SLIT3: variants seen among roughly 807,000 people sequenced by gnomAD.
SLIT3 encodes the protein slit homolog 3 protein.
In SLIT3, 68 loss-of-function variants were observed where a neutral mutation model predicts 184.0. The observed-to-expected ratio is 0.37, with a 90% CI of 0.30 to 0.45. The LOEUF (loss-of-function observed/expected upper bound fraction) is 0.45. Among genes scored for constraint, SLIT3 ranks in the 20% least tolerant of loss-of-function variants. The pLI is 1.00. For synonymous variants in SLIT3, 831 were observed against 828.6 expected (o/e 1.00, Z -0.05); for missense variants, 1,707 against 2,026.0 (o/e 0.84, Z 3.02).
chr5:168,989,914 T>A (rs1025391116), intron 4 of SLIT3, among the ~76,000 whole-genome samples: 2 of 152,196 alleles, frequency 1.3e-5, no homozygotes, highest in Non-Finnish European at 2.9e-5. Context: ...CTAACAGTTC[T>A]GTGAATAAAT....
At chr5:169,023,615 T>TC (rs1756691111) in intron 4 of SLIT3, 3 of 152,108 alleles carry the variant, frequency 2.0e-5, no homozygotes, top group East Asian at 3.9e-4. Flanking sequence ...CTTTTTTTTT[T>TC]CCCACCACAG....
chr5:169,138,775 A>G (rs868757167), intron 4 of SLIT3, among the ~76,000 whole-genome samples: 3 of 152,354 alleles, frequency 2.0e-5, no homozygotes, highest in Middle Eastern at 3.4e-3. Context: ...TGGCATATCC[A>G]GCAACACATT....
intron 3 of SLIT3, among the ~76,000 whole-genome samples, chr5:169,229,952 G>A (rs771026809): frequency 2.0e-5 from 3 of 152,052 alleles, no homozygotes; most frequent in Non-Finnish European, 4.4e-5. Flanking sequence ...ACCTGTGCCC[G>A]CAAATGACCC....
At chr5:168,819,245 G>A (rs1757440706) in intron 7 of SLIT3, among the ~76,000 whole-genome samples, 1 of 152,242 alleles carries the variant, frequency 6.6e-6, no homozygotes, top group Non-Finnish European at 1.5e-5. Flanking sequence ...TCAGTTCTAG[G>A]AGGGAAAGCA....
chr5:168,685,383 G>A (rs941083815), intron 31 of SLIT3, among the ~76,000 whole-genome samples: 1 of 152,198 alleles, frequency 6.6e-6, no homozygotes, highest in Admixed American at 6.5e-5. Flanking sequence ...TCAGACAAGG[G>A]GTTTTGTCTG....
chr5:169,088,486 C>T (rs1759411537), intron 4 of SLIT3, among the ~76,000 whole-genome samples: 1 of 151,192 alleles, frequency 6.6e-6, no homozygotes, highest in Non-Finnish European at 1.5e-5. Flanking sequence ...CAAAGAGAAT[C>T]ACAGCATAAA....
intron 4 of SLIT3, among the ~76,000 whole-genome samples, chr5:169,034,075 G>C (rs1561621279): frequency 6.6e-6 from 1 of 152,092 alleles, no homozygotes; most frequent in Admixed American, 6.5e-5. Context: ...GCCTCCCAAA[G>C]TGCTGGGATT....
At chr5:169,131,180 A>G (rs1404022846) in intron 4 of SLIT3, among the ~76,000 whole-genome samples, 1 of 152,258 alleles carries the variant, frequency 6.6e-6, no homozygotes, top group African/African-American at 2.4e-5. Context: ...TTAGCTGTTA[A>G]CGAACACACA....
intron 4 of SLIT3, among the ~76,000 whole-genome samples, chr5:169,117,780 T>C (rs1272192051): frequency 3.3e-5 from 5 of 152,230 alleles, no homozygotes; most frequent in East Asian, 1.9e-4. Flanking sequence ...GTTTCTCCTA[T>C]ACAAGGTGAG....
intron 5 of SLIT3, among the ~76,000 whole-genome samples, chr5:168,863,791 CAG>C (rs1759197930): frequency 1.3e-5 from 2 of 152,238 alleles, no homozygotes; most frequent in South Asian, 4.2e-4. Context: ...AAAGAAAATC[CAG>C]AGAGATCAAA....
intron 4 of SLIT3, among the ~76,000 whole-genome samples, chr5:169,064,721 G>C (rs577821327): frequency 2.6e-5 from 4 of 152,156 alleles, no homozygotes; most frequent in African/African-American, 9.7e-5. Context: ...CTTCTGTCCC[G>C]AGACACTGGA....
At chr5:168,872,640 CTTT>C (rs774066150) in intron 5 of SLIT3, among the ~76,000 whole-genome samples, 10 of 112,410 alleles carry the variant, frequency 8.9e-5, no homozygotes, top group Admixed American at 5.5e-4. Flanking sequence ...TCTTCTTCTT[CTTT>C]TTTTTTTTTT....
chr5:168,908,709 G>T (rs1275064399), intron 4 of SLIT3, among the ~76,000 whole-genome samples: 2 of 152,078 alleles, frequency 1.3e-5, no homozygotes, highest in East Asian at 1.9e-4. Flanking sequence ...CAGCAAGCAG[G>T]GTTCATTACA....
intron 3 of SLIT3, among the ~76,000 whole-genome samples, chr5:169,214,220 A>T (rs1259998108): frequency 1.3e-5 from 2 of 152,238 alleles, no homozygotes; most frequent in Admixed American, 6.5e-5. Context: ...ATCTGGTTCC[A>T]AGTAAGTTGA....
intron 9 of SLIT3, among the ~76,000 whole-genome samples, chr5:168,803,146 T>C (rs1756828265): frequency 6.6e-6 from 1 of 152,258 alleles, no homozygotes; most frequent in South Asian, 2.1e-4. Context: ...GTATCTACTA[T>C]ACAATACACA....
chr5:169,217,656 A>G (rs1390596529), intron 3 of SLIT3, among the ~76,000 whole-genome samples: 2 of 152,208 alleles, frequency 1.3e-5, no homozygotes, highest in Non-Finnish European at 2.9e-5. Flanking sequence ...GCTCAACACC[A>G]GTGTCTGCTG....
chr5:169,191,780 AC>A (rs1196823004), intron 4 of SLIT3, among the ~76,000 whole-genome samples: 2 of 151,974 alleles, frequency 1.3e-5, no homozygotes, highest in African/African-American at 4.8e-5. Flanking sequence ...ATCAAGACCA[AC>A]TCTGCAAAAA....
rs191174113 is a variant in SLIT3 at position 168,855,711 on chromosome 5, G to A, written c.486-11056C>T. Reference sequence around the variant, plus strand: ...AGAAAGCAGATCAGCAATTGCCAGAGGCTGGGGGCAGGGAGGGAATGGGGA... The same window carrying A: ...AGAAAGCAGATCAGCAATTGCCAGAAGCTGGGGGCAGGGAGGGAATGGGGA... On this transcript the variant is annotated intron_variant, in intron 5 of 35. Coordinates refer to ENST00000519560, the MANE Select transcript of SLIT3 (RefSeq NM_003062.4). 2.6e-5 allele frequency among the ~76,000 whole-genome samples: 4 copies of A among 152,332 alleles called. No individual in the cohort carries two copies. The East Asian group carries it at 7.7e-4, about 29-fold the overall frequency.
At chr5:169,068,853 T>A (rs867933371) in intron 4 of SLIT3, among the ~76,000 whole-genome samples, 30 of 147,622 alleles carry the variant, frequency 2.0e-4, no homozygotes, top group Non-Finnish European at 1.5e-4. Flanking sequence ...AAAAAAAAAA[T>A]GCAGAATCCT....
Sources: gnomAD v4.1 joint callset for allele counts (sites outside exome capture counted in the v4.1 genomes callset) on GRCh38, gnomAD v4.1.1 for gene constraint, MANE v1.5 for transcripts, NCBI Gene and HGNC (gene_info 2026-07-23, HGNC 2026-07-21) for gene names.